SASH1: variants seen among roughly 807,000 people sequenced by gnomAD.
The protein encoded by SASH1 is SAM and SH3 domain containing 1.
In SASH1, 44 loss-of-function variants were observed where a neutral mutation model predicts 125.2. The ratio of observed to expected loss-of-function variants is 0.35; its 90% CI spans 0.28 to 0.45. The LOEUF is 0.45. Among genes scored for constraint, SASH1 ranks in the 20% least tolerant of loss-of-function variants. The pLI, the probability that SASH1 is intolerant of heterozygous loss-of-function variation, is 1.00. For synonymous variants in SASH1, 639 were observed against 649.1 expected (o/e 0.98, Z 0.24); for missense variants, 1,426 against 1,614.5 (o/e 0.88, Z 2.00).
intron 1 of SASH1, among the ~76,000 whole-genome samples, chr6:148,347,075 A>G (rs1051818959): frequency 1.3e-5 from 2 of 152,108 alleles, no homozygotes; most frequent in African/African-American, 2.4e-5. Context: ...AAGAGCGGGA[A>G]TTGCTAAGGT....
chr6:148,357,347 T>G (rs746618425), intron 1 of SASH1, among the ~76,000 whole-genome samples: 2 of 152,188 alleles, frequency 1.3e-5, no homozygotes, highest in Non-Finnish European at 2.9e-5. Context: ...ATTTTAGACT[T>G]CCAAACTCAT....
intron 8 of SASH1, chr6:148,512,692 C>A (rs936280048): frequency 2.0e-6 from 2 of 985,206 alleles, no homozygotes; most frequent in Non-Finnish European, 2.4e-6. Flanking sequence ...CCCACCGTTA[C>A]CTGGGAGTCC....
At chr6:148,265,143 T>C in the SASH1 span, among the ~76,000 whole-genome samples, 3 of 152,120 alleles carry the variant, frequency 2.0e-5, no homozygotes, top group East Asian at 5.8e-4. Context: ...AAAATGACAG[T>C]CTTAGAAATT....
At chr6:148,303,736 A>G (rs566978590) in intron 1 of SASH1, among the ~76,000 whole-genome samples, 2 of 150,968 alleles carry the variant, frequency 1.3e-5, no homozygotes, top group Non-Finnish European at 2.9e-5. Flanking sequence ...TGGAGGTTCC[A>G]GTGAGCCAAG....
chr6:148,338,033 G>A (rs4499952), upstream of SASH1, among the ~76,000 whole-genome samples: 44,424 of 124,700 alleles, frequency 0.36, 6,600 homozygotes, highest in South Asian at 0.49. Context: ...GTAGGATTCC[G>A]GTATACCCAT....
chr6:148,455,614 G>A (rs1777304782), intron 4 of SASH1, among the ~76,000 whole-genome samples: 1 of 152,128 alleles, frequency 6.6e-6, no homozygotes, highest in African/African-American at 2.4e-5. Flanking sequence ...GAGATGCTTG[G>A]GAATTTAAAA....
chr6:148,227,042 G>A, the SASH1 span, among the ~76,000 whole-genome samples: 1 of 152,162 alleles, frequency 6.6e-6, no homozygotes, highest in Non-Finnish European at 1.5e-5. Context: ...GGCTGTTGGG[G>A]AGGCAACAAT....
intron 11 of SASH1, among the ~76,000 whole-genome samples, chr6:148,526,786 T>G (rs1781189668): frequency 6.6e-6 from 1 of 152,208 alleles, no homozygotes; most frequent in Non-Finnish European, 1.5e-5. Flanking sequence ...TTCTAATCTC[T>G]TTCTCCAGGC....
chr6:148,386,057 A>G (rs928009750), intron 1 of SASH1, among the ~76,000 whole-genome samples: 2 of 152,184 alleles, frequency 1.3e-5, no homozygotes, highest in African/African-American at 4.8e-5. Flanking sequence ...CCTTTGGGTT[A>G]TGAGGCTGTC....
At position 148,361,869 on chromosome 6, in the gene SASH1, G is replaced by A. The variant is rs118075185; in HGVS notation, c.156+18646G>A. Among the ~76,000 whole-genome samples the A allele has an allele frequency of 3.6e-4, 55 of 151,296 alleles. 1 individual carries two copies. In the East Asian group the frequency reaches 0.011, roughly 29 times the overall value. On this transcript the variant is annotated intron_variant, in intron 1 of 19. Coordinates refer to ENST00000367467, the MANE Select transcript of SASH1 (RefSeq NM_015278.5). ...AGAGACAGAGACAGAGGGAAGCACG[G>A]TTTCCCTGATGAATGTCCAGCATTT...
intron 2 of SASH1, among the ~76,000 whole-genome samples, chr6:148,422,563 A>G (rs564004400): frequency 2.0e-5 from 3 of 152,358 alleles, no homozygotes; most frequent in African/African-American, 7.2e-5. Flanking sequence ...TGTTTGCTGT[A>G]GTAACCATTA....
the SASH1 span, among the ~76,000 whole-genome samples, chr6:148,212,543 C>T: frequency 6.6e-6 from 1 of 152,282 alleles, no homozygotes; most frequent in East Asian, 1.9e-4. Context: ...AATCTTCATT[C>T]CTCTCTCTTA....
intron 8 of SASH1, among the ~76,000 whole-genome samples, chr6:148,498,291 G>C (rs1779403105): frequency 2.0e-5 from 3 of 151,504 alleles, no homozygotes. Context: ...TGCATCTGTA[G>C]TCCCAGCTAC....
chr6:148,421,238 CTA>C (rs1186628948), intron 2 of SASH1, among the ~76,000 whole-genome samples: 18 of 150,254 alleles, frequency 1.2e-4, no homozygotes, highest in African/African-American at 4.4e-4. Context: ...AAGGAAGTGA[CTA>C]TGAACATCTT....
chr6:148,194,844 G>T, the SASH1 span, among the ~76,000 whole-genome samples: 239 of 152,292 alleles, frequency 1.6e-3, no homozygotes, highest in African/African-American at 4.7e-3. Context: ...AGGCGGAGCT[G>T]GCAGTGAGCC....
chr6:148,503,219 A>G (rs1779632225), intron 8 of SASH1, among the ~76,000 whole-genome samples: 1 of 152,180 alleles, frequency 6.6e-6, no homozygotes, highest in South Asian at 2.1e-4. Flanking sequence ...TTTTAAAACG[A>G]TACAACATTT....
At chr6:148,241,296 C>G in the SASH1 span, among the ~76,000 whole-genome samples, 1 of 152,198 alleles carries the variant, frequency 6.6e-6, no homozygotes, top group African/African-American at 2.4e-5. Context: ...TTGTCATGCC[C>G]TGAGCAAGTC....
chr6:148,200,445 C>T, the SASH1 span, among the ~76,000 whole-genome samples: 30 of 152,352 alleles, frequency 2.0e-4, no homozygotes, highest in Admixed American at 3.3e-4. Flanking sequence ...CCGCGATCAT[C>T]TGCTTATCAT....
At chr6:148,543,420 G>A (rs1170531740) in intron 17 of SASH1, among the ~76,000 whole-genome samples, 4 of 152,206 alleles carry the variant, frequency 2.6e-5, no homozygotes, top group African/African-American at 7.2e-5. Context: ...TTGACACAGC[G>A]TATTTCTTTC....
Sources: allele counts gnomAD v4.1 joint callset (sites outside exome capture counted in the v4.1 genomes callset), GRCh38; gene constraint gnomAD v4.1.1; transcripts MANE v1.5; gene names NCBI Gene and HGNC (gene_info 2026-07-23, HGNC 2026-07-21).